Variants in DAPK1 observed in about 807,000 individuals in gnomAD.
DAPK1 encodes death associated protein kinase 1.
A neutral mutation model predicts 144.9 loss-of-function variants in DAPK1; 56 were observed. The ratio of observed to expected loss-of-function variants is 0.39; its 90% CI spans 0.31 to 0.48. The LOEUF (loss-of-function observed/expected upper bound fraction) is 0.48, where lower values mean the gene tolerates loss of function less well. DAPK1 is among the 20% of genes least tolerant of loss of function. The pLI is 0.95. For missense variants in DAPK1, 1,454 were observed against 1,875.4 expected, an observed-to-expected ratio of 0.78 and a Z score of 4.15; for synonymous variants, 690 against 749.0, an observed-to-expected ratio of 0.92 and a Z score of 1.29.
intron 2 of DAPK1, among the ~76,000 whole-genome samples, chr9:87,565,325 G>A (rs1325509346): frequency 1.3e-5 from 2 of 152,158 alleles, no homozygotes; most frequent in Admixed American, 6.6e-5. Flanking sequence ...GAAGCAAAAC[G>A]CTGAAGAATC....
chr9:87,606,162 A>G (rs1828708600), intron 3 of DAPK1, among the ~76,000 whole-genome samples: 1 of 152,158 alleles, frequency 6.6e-6, no homozygotes, highest in African/African-American at 2.4e-5. Flanking sequence ...GGGTAAGAAG[A>G]GATTTTCAAG....
At chr9:87,599,907 TA>T (rs1435056596) in intron 2 of DAPK1, among the ~76,000 whole-genome samples, 2 of 152,182 alleles carry the variant, frequency 1.3e-5, no homozygotes, top group African/African-American at 4.8e-5. Context: ...AGACATCGTA[TA>T]TGTATATGTG....
intron 2 of DAPK1, among the ~76,000 whole-genome samples, chr9:87,590,215 C>T (rs2118878051): frequency 6.6e-6 from 1 of 152,062 alleles, no homozygotes; most frequent in East Asian, 1.9e-4. Flanking sequence ...TTGCTTCTGC[C>T]ACACTGTGAC....
At chr9:87,634,553 T>C (rs1278645621) in intron 3 of DAPK1, among the ~76,000 whole-genome samples, 1 of 152,200 alleles carries the variant, frequency 6.6e-6, no homozygotes, top group South Asian at 2.1e-4. Flanking sequence ...AAAGTGATCA[T>C]GGGGCCTGCC....
At chr9:87,541,199 C>G (rs1196261912) in intron 2 of DAPK1, among the ~76,000 whole-genome samples, 2 of 152,044 alleles carry the variant, frequency 1.3e-5, no homozygotes, top group Non-Finnish European at 1.5e-5. Flanking sequence ...CTTATGTGTT[C>G]CTATGTAGTT....
chr9:87,671,539 G>A (rs1471698947), intron 19 of DAPK1, among the ~76,000 whole-genome samples: 2 of 150,714 alleles, frequency 1.3e-5, no homozygotes, highest in Non-Finnish European at 2.9e-5. Flanking sequence ...CTTGCTCTGC[G>A]GCTCAGGCTG....
At chr9:87,504,231 A>G (rs1260474867) in intron 2 of DAPK1, among the ~76,000 whole-genome samples, 1 of 152,206 alleles carries the variant, frequency 6.6e-6, no homozygotes, top group African/African-American at 2.4e-5. Flanking sequence ...AAAGGGTCCA[A>G]AGTTTTAAGA....
chr9:87,597,845 G>A (rs983948015), intron 2 of DAPK1, among the ~76,000 whole-genome samples: 3 of 151,938 alleles, frequency 2.0e-5, no homozygotes, highest in African/African-American at 4.8e-5. Flanking sequence ...TCCTCCTCTC[G>A]GAAACCCTGT....
intron 2 of DAPK1, among the ~76,000 whole-genome samples, chr9:87,529,758 C>T (rs1825640868): frequency 6.6e-6 from 1 of 152,238 alleles, no homozygotes; most frequent in Non-Finnish European, 1.5e-5. Flanking sequence ...AGCCACCAGA[C>T]CCAAGGGGCT....
rs1408085117 is a variant in DAPK1 at position 87,672,969 on chromosome 9, AAAG to A, written c.2001+4302_2001+4304del. On this transcript the variant is annotated intron_variant, in intron 19 of 25. Coordinates refer to ENST00000408954, the MANE Select transcript of DAPK1 (RefSeq NM_004938.4). ...GGTACATGATCGGGGAGGGGAAGGG[AAAG>A]AAGAAGTCATTCACCCTGCAGAGCA... 1.4e-4 allele frequency among the ~76,000 whole-genome samples: 22 copies of A among 152,178 alleles called. No individual in the cohort carries two copies. The South Asian group carries it at 2.3e-3, about 16-fold the overall frequency.
intron 2 of DAPK1, among the ~76,000 whole-genome samples, chr9:87,564,668 AAG>A (rs922810952): frequency 1.3e-4 from 20 of 151,040 alleles, no homozygotes; most frequent in Admixed American, 4.6e-4. Context: ...GAGAAAAAGA[AAG>A]AGAGAGAGAG....
At chr9:87,587,244 C>T (rs1227778793) in intron 2 of DAPK1, among the ~76,000 whole-genome samples, 1 of 152,198 alleles carries the variant, frequency 6.6e-6, no homozygotes, top group African/African-American at 2.4e-5. Context: ...TTTACATCGA[C>T]GTTAATAATA....
At chr9:87,545,994 T>A (rs1330287229) in intron 2 of DAPK1, among the ~76,000 whole-genome samples, 1 of 152,136 alleles carries the variant, frequency 6.6e-6, no homozygotes, top group African/African-American at 2.4e-5. Flanking sequence ...TTGTTTTTGT[T>A]TTTGCAGTAC....
chr9:87,561,470 G>A lies in DAPK1; in HGVS notation c.63-43484G>A, dbSNP rs1186348141. Among the ~76,000 whole-genome samples the A allele has an allele frequency of 5.3e-5, 8 of 152,002 alleles. No individual in the cohort carries two copies. In the South Asian group the frequency reaches 1.2e-3, roughly 24 times the overall value. ...GAACCCGGGAGGCGGAGCTTACAGT[G>A]AGCCGAGATGGCACCACTGCACTCC... On this transcript the variant is annotated intron_variant, in intron 2 of 25. Transcript: ENST00000408954.
In DAPK1 at chr9:87,524,453, A is replaced by G. The variant is rs77548490; in HGVS notation, c.62+25314A>G. ...AAGCTGACGTGGAAAGTTGGGAAGC[A>G]CACGCTTGAGCCCTTGAACTTCCTC... On this transcript the variant is annotated intron_variant, in intron 2 of 25. Coordinates refer to ENST00000408954, the MANE Select transcript of DAPK1 (RefSeq NM_004938.4). Among the ~76,000 whole-genome samples, 407 of 152,304 alleles carry G rather than the reference A, an allele frequency of 2.7e-3. 4 individuals are homozygous for G. Among genetic ancestry groups the G allele is most frequent in the African/African-American group, 9.3e-3 (387 of 41,560 alleles).
At chr9:87,551,169 G>T (rs1035711906) in intron 2 of DAPK1, among the ~76,000 whole-genome samples, 4 of 150,174 alleles carry the variant, frequency 2.7e-5, no homozygotes, top group Non-Finnish European at 4.4e-5. Context: ...TTTTTTTGAG[G>T]CGGAGTCTCG....
intron 19 of DAPK1, among the ~76,000 whole-genome samples, chr9:87,677,180 G>A (rs1313650585): frequency 6.6e-6 from 1 of 152,158 alleles, no homozygotes; most frequent in Admixed American, 6.5e-5. Flanking sequence ...TCCATTTATT[G>A]TGCTGGCCCA....
chr9:87,548,275 C>T (rs1020935913), intron 2 of DAPK1, among the ~76,000 whole-genome samples: 1 of 152,150 alleles, frequency 6.6e-6, no homozygotes, highest in Non-Finnish European at 1.5e-5. Context: ...CTTTTTTTCT[C>T]ACCAGGACCA....
At chr9:87,604,859 A>G in intron 2 of DAPK1, 95 bp from the exon 3 acceptor site, 1 of 1,101,278 alleles carries the variant, frequency 9.1e-7, no homozygotes, top group Non-Finnish European at 1.3e-6. Context: ...TTTCCTATTC[A>G]CAGTTCTCTT....
Sources: allele counts gnomAD v4.1 joint callset (sites outside exome capture counted in the v4.1 genomes callset), GRCh38; gene constraint gnomAD v4.1.1; transcripts MANE v1.5; gene names NCBI Gene and HGNC (gene_info 2026-07-23, HGNC 2026-07-21).